The following GUCY1A2 variants were observed in gnomAD, a reference collection of about 807,000 sequenced individuals.
GUCY1A2 encodes guanylate cyclase 1 soluble subunit alpha 2.
GUCY1A2 carries 27 observed loss-of-function variants against 63.5 expected under a neutral mutation model. That is an observed-to-expected ratio of 0.43 (90% CI 0.31 to 0.59). The LOEUF (loss-of-function observed/expected upper bound fraction) is 0.59. Among genes scored for constraint, GUCY1A2 ranks in the 20% least tolerant of loss-of-function variants. GUCY1A2 has a pLI of 0.11. For synonymous variants in GUCY1A2, 364 were observed against 343.5 expected, an observed-to-expected ratio of 1.06 and a Z score of -0.66; for missense variants, 768 against 913.3, an observed-to-expected ratio of 0.84 and a Z score of 2.05.
At chr11:106,765,045 T>C (rs1864138947) in intron 6 of GUCY1A2, among the ~76,000 whole-genome samples, 1 of 151,546 alleles carries the variant, frequency 6.6e-6, no homozygotes, top group South Asian at 2.1e-4. Flanking sequence ...AAGTGTCCAG[T>C]ATGCATTTTT....
chr11:106,719,342 T>C (rs912977904), intron 6 of GUCY1A2, among the ~76,000 whole-genome samples: 8 of 152,052 alleles, frequency 5.3e-5, no homozygotes, highest in Non-Finnish European at 7.4e-5. Context: ...TAAAAAATGA[T>C]TTAAAAAACT....
intron 4 of GUCY1A2, among the ~76,000 whole-genome samples, chr11:106,907,901 T>C (rs553326649): frequency 6.6e-6 from 1 of 152,298 alleles, no homozygotes; most frequent in East Asian, 1.9e-4. Flanking sequence ...CTTATCTTTA[T>C]GCATGTAAGT....
At chr11:106,780,400 A>G (rs986330496) in intron 5 of GUCY1A2, among the ~76,000 whole-genome samples, 7 of 152,204 alleles carry the variant, frequency 4.6e-5, no homozygotes, top group Non-Finnish European at 8.8e-5. Context: ...ATCTTAATGC[A>G]CTAAATTAGC....
intron 7 of GUCY1A2, among the ~76,000 whole-genome samples, chr11:106,704,459 G>A (rs1862872062): frequency 6.6e-6 from 1 of 152,144 alleles, no homozygotes; most frequent in Non-Finnish European, 1.5e-5. Context: ...CTGAGCTCAT[G>A]CACTTCACCA....
intron 7 of GUCY1A2, among the ~76,000 whole-genome samples, chr11:106,705,997 G>GTGTT (rs1862903439): frequency 6.6e-6 from 1 of 152,180 alleles, no homozygotes; most frequent in East Asian, 1.9e-4. Flanking sequence ...AAAATATAAA[G>GTGTT]TGTTTAACTA....
At chr11:107,010,757 G>C (rs1223853446) in intron 1 of GUCY1A2, among the ~76,000 whole-genome samples, 1 of 152,000 alleles carries the variant, frequency 6.6e-6, no homozygotes, top group Non-Finnish European at 1.5e-5. Context: ...TTGAGATGGA[G>C]TATTCCTCTG....
intron 3 of GUCY1A2, among the ~76,000 whole-genome samples, chr11:106,943,326 A>C (rs1475512578): frequency 6.6e-6 from 1 of 152,224 alleles, no homozygotes; most frequent in East Asian, 1.9e-4. Context: ...CTCACATCAC[A>C]AGATTCTATG....
intron 4 of GUCY1A2, among the ~76,000 whole-genome samples, chr11:106,884,128 G>GT (rs1859864926): frequency 6.6e-6 from 1 of 151,876 alleles, no homozygotes; most frequent in Non-Finnish European, 1.5e-5. Flanking sequence ...ACATGTATAC[G>GT]TATGTAACAG....
intron 5 of GUCY1A2, among the ~76,000 whole-genome samples, chr11:106,809,003 A>G (rs984938012): frequency 6.6e-6 from 1 of 152,142 alleles, no homozygotes; most frequent in South Asian, 2.1e-4. Flanking sequence ...AATATTTAAC[A>G]TTGGCTACAT....
rs1862411493 is a variant in GUCY1A2 at position 106,680,323 on chromosome 11, T to C, written c.*7226A>G. ...GACATTTAATAGACCACAGTAAAAA[T>C]ATATTAAGTAGAATTCCTTCTTTAT... On this transcript the variant is annotated 3_prime_UTR_variant, in exon 8 of 8. Transcript: ENST00000526355. The C allele has an allele frequency of 4.8e-6, 1 of 208,464 alleles. No homozygotes were observed. Among genetic ancestry groups the C allele is most frequent in the Admixed American group, 5.9e-5 (1 of 16,956 alleles). The allele number at this position is 208,464 out of a possible 1,614,324, so 12.9% of individuals were successfully genotyped here.
At chr11:106,823,267 C>T (rs1858926420) in intron 4 of GUCY1A2, among the ~76,000 whole-genome samples, 1 of 152,018 alleles carries the variant, frequency 6.6e-6, no homozygotes. Context: ...TTTTGGAGTA[C>T]CCACTGTCTA....
At chr11:106,973,376 C>A (rs1342584862) in intron 3 of GUCY1A2, among the ~76,000 whole-genome samples, 1 of 152,026 alleles carries the variant, frequency 6.6e-6, no homozygotes, top group Non-Finnish European at 1.5e-5. Context: ...AACACCATCA[C>A]CCTTAGTTAG....
intron 4 of GUCY1A2, chr11:106,823,977 G>A (rs572892639): frequency 1.5e-4 from 96 of 653,830 alleles, no homozygotes; most frequent in African/African-American, 1.1e-3. Flanking sequence ...AAATTACTGC[G>A]CATATAGTTA....
At chr11:106,898,603 G>C (rs1425906975) in intron 4 of GUCY1A2, among the ~76,000 whole-genome samples, 1 of 152,064 alleles carries the variant, frequency 6.6e-6, no homozygotes, top group Non-Finnish European at 1.5e-5. Context: ...AATTTGAAAA[G>C]GTTACATACT....
chr11:106,926,754 T>C (rs1860529045), intron 4 of GUCY1A2, among the ~76,000 whole-genome samples: 1 of 151,828 alleles, frequency 6.6e-6, no homozygotes, highest in South Asian at 2.1e-4. Flanking sequence ...AAAACAATGG[T>C]TCACTCGAAA....
At chr11:106,688,357 C>A (rs145373327) in intron 7 of GUCY1A2, among the ~76,000 whole-genome samples, 15 of 152,270 alleles carry the variant, frequency 9.9e-5, no homozygotes, top group African/African-American at 3.6e-4. Flanking sequence ...TTCTTCTCTT[C>A]CAGTCACACA....
chr11:106,758,673 A>G (rs539126519), intron 6 of GUCY1A2, among the ~76,000 whole-genome samples: 28 of 152,342 alleles, frequency 1.8e-4, no homozygotes, highest in African/African-American at 6.5e-4. Flanking sequence ...TAGCTTGAGA[A>G]CACATTAAAG....
intron 4 of GUCY1A2, among the ~76,000 whole-genome samples, chr11:106,861,505 T>A (rs1859511954): frequency 6.6e-6 from 1 of 151,988 alleles, no homozygotes; most frequent in African/African-American, 2.4e-5. Context: ...TCTGAAATAA[T>A]CATCTTCCCC....
chr11:106,737,866 C>T (rs1591255566), intron 6 of GUCY1A2, among the ~76,000 whole-genome samples: 1 of 152,108 alleles, frequency 6.6e-6, no homozygotes, highest in Non-Finnish European at 1.5e-5. Flanking sequence ...CATACATGTG[C>T]ATGTGTCTTT....
Sources: allele counts gnomAD v4.1 joint callset (sites outside exome capture counted in the v4.1 genomes callset), GRCh38; gene constraint gnomAD v4.1.1; transcripts MANE v1.5; gene names NCBI Gene and HGNC (gene_info 2026-07-23, HGNC 2026-07-21).